The following ANK3 variants were observed in gnomAD, a reference collection of about 807,000 sequenced individuals.
ANK3 encodes ankyrin-3.
A neutral mutation model predicts 370.9 loss-of-function variants in ANK3; 57 were observed. The observed-to-expected ratio is 0.15, with a 90% confidence interval of 0.12 to 0.19. The LOEUF (loss-of-function observed/expected upper bound fraction) is 0.19, where lower values mean the gene tolerates loss of function less well. Among genes scored for constraint, ANK3 ranks in the 10% least tolerant of loss-of-function variants. ANK3 has a pLI of 1.00. For synonymous variants in ANK3, 1,929 were observed against 1,946.3 expected (o/e 0.99, Z 0.23); for missense variants, 4,439 against 5,302.1 (o/e 0.84, Z 5.06).
At chr10:60,183,647 T>C (rs913449632) in intron 17 of ANK3, among the ~76,000 whole-genome samples, 7 of 151,844 alleles carry the variant, frequency 4.6e-5, no homozygotes, top group Non-Finnish European at 5.9e-5. Context: ...TCCCCTGAGG[T>C]TGGGAGTTTG....
chr10:60,261,086 A>G (rs1464281270), intron 7 of ANK3, among the ~76,000 whole-genome samples: 1 of 152,198 alleles, frequency 6.6e-6, no homozygotes, highest in African/African-American at 2.4e-5. Context: ...TTCATAATTC[A>G]TATTATCTCA....
chr10:60,263,276 T>TA (rs1566077276), intron 6 of ANK3, among the ~76,000 whole-genome samples: 2 of 152,048 alleles, frequency 1.3e-5, no homozygotes, highest in African/African-American at 4.8e-5. Context: ...GAAAGCACAA[T>TA]AGGCACAGAA....
intron 7 of ANK3, among the ~76,000 whole-genome samples, chr10:60,251,580 T>C (rs963508385): frequency 1.3e-5 from 2 of 152,190 alleles, no homozygotes; most frequent in African/African-American, 4.8e-5. Flanking sequence ...TTAAGGCAGA[T>C]GATGCTCCTT....
chr10:60,401,401 A>C (rs2063349920), intron 2 of ANK3, among the ~76,000 whole-genome samples: 1 of 152,234 alleles, frequency 6.6e-6, no homozygotes. Context: ...TCTTAACCAC[A>C]ATAAAATAAA....
chr10:60,609,919 A>G (rs973643916), intron 2 of ANK3, among the ~76,000 whole-genome samples: 1 of 152,176 alleles, frequency 6.6e-6, no homozygotes, highest in African/African-American at 2.4e-5. Flanking sequence ...TATACAGTTA[A>G]CAGTTCCAGC....
At chr10:60,250,795 T>A (rs2097651240) in intron 7 of ANK3, among the ~76,000 whole-genome samples, 2 of 152,230 alleles carry the variant, frequency 1.3e-5, no homozygotes, top group African/African-American at 2.4e-5. Flanking sequence ...CCAGAGTCCA[T>A]TTCAAAGCCC....
In ANK3 at chr10:60,048,717, TG is replaced by T. The variant is rs1285032607; in HGVS notation, c.13066-5959del. On this transcript the variant is annotated intron_variant, in intron 42 of 43. Coordinates refer to ENST00000280772, the MANE Select transcript of ANK3 (RefSeq NM_020987.5). ...TCTCAAGGTTGGTTGAGTTTGTGCA[TG>T]TGGAATGCCCAGATATGGAGGTCCA... 1.1e-3 allele frequency among the ~76,000 whole-genome samples: 174 copies of T among 152,344 alleles called. 2 individuals are homozygous for T. The East Asian group carries it at 0.033, about 29-fold the overall frequency.
intron 1 of ANK3, among the ~76,000 whole-genome samples, chr10:60,706,411 C>T (rs1468529088): frequency 6.6e-6 from 1 of 152,148 alleles, no homozygotes; most frequent in Admixed American, 6.5e-5. Context: ...ATAACCTCCC[C>T]TCTGACCAGA....
At chr10:60,242,950 C>A (rs1336546325) in intron 7 of ANK3, among the ~76,000 whole-genome samples, 1 of 152,178 alleles carries the variant, frequency 6.6e-6, no homozygotes, top group Non-Finnish European at 1.5e-5. Context: ...ACCCCAAGTT[C>A]ATATTTTTTT....
intron 25 of ANK3, among the ~76,000 whole-genome samples, chr10:60,120,295 C>T (rs2093387197): frequency 6.6e-6 from 1 of 152,056 alleles, no homozygotes; most frequent in African/African-American, 2.4e-5. Flanking sequence ...TATCTCTCGC[C>T]ATATACAAAA....
chr10:60,348,290 T>A (rs1237293502), intron 1 of ANK3, among the ~76,000 whole-genome samples: 1 of 148,834 alleles, frequency 6.7e-6, no homozygotes, highest in Non-Finnish European at 1.5e-5. Context: ...GATGTAGGGT[T>A]TTAATTATTC....
chr10:60,495,714 A>G (rs891923404), intron 2 of ANK3, among the ~76,000 whole-genome samples: 1 of 152,194 alleles, frequency 6.6e-6, no homozygotes, highest in Non-Finnish European at 1.5e-5. Context: ...ACATTCTAGC[A>G]TATAGGGTAG....
chr10:60,300,330 A>G, intron 1 of ANK3: 1 of 1,286,472 alleles, frequency 7.8e-7, no homozygotes, highest in South Asian at 1.2e-5. Flanking sequence ...TGTTCTGGGA[A>G]GCTCTCTCCC....
intron 6 of ANK3, among the ~76,000 whole-genome samples, chr10:60,263,494 T>C (rs2097839988): frequency 1.3e-5 from 2 of 152,210 alleles, no homozygotes; most frequent in African/African-American, 2.4e-5. Flanking sequence ...GTGTACACTG[T>C]CTTCAGTATT....
intron 1 of ANK3, among the ~76,000 whole-genome samples, chr10:60,354,567 T>G (rs1468375355): frequency 1.3e-5 from 2 of 152,224 alleles, no homozygotes; most frequent in African/African-American, 2.4e-5. Context: ...AATAACACTT[T>G]CCAAATAAAC....
At chr10:60,509,810 T>C (rs994587406) in intron 2 of ANK3, among the ~76,000 whole-genome samples, 4 of 152,172 alleles carry the variant, frequency 2.6e-5, no homozygotes, top group East Asian at 3.9e-4. Context: ...TGTCCTTAGA[T>C]GAATTATCTA....
intron 2 of ANK3, among the ~76,000 whole-genome samples, chr10:60,606,692 G>A (rs1009324828): frequency 2.0e-5 from 3 of 152,112 alleles, no homozygotes; most frequent in African/African-American, 7.2e-5. Context: ...TTATCAGGGA[G>A]CATGGAATTC....
intron 41 of ANK3, among the ~76,000 whole-genome samples, chr10:60,056,907 C>A (rs968776659): frequency 5.3e-5 from 8 of 152,092 alleles, no homozygotes; most frequent in Non-Finnish European, 1.0e-4. Context: ...TGCCTGTAGT[C>A]CCAGCTACTT....
intron 2 of ANK3, among the ~76,000 whole-genome samples, chr10:60,529,716 G>C (rs1267189881): frequency 6.6e-6 from 1 of 152,102 alleles, no homozygotes; most frequent in Non-Finnish European, 1.5e-5. Flanking sequence ...TCTTGGTTCT[G>C]ATTAAGCACT....
Sources: gnomAD v4.1 joint callset for allele counts (sites outside exome capture counted in the v4.1 genomes callset) on GRCh38, gnomAD v4.1.1 for gene constraint, MANE v1.5 for transcripts, NCBI Gene and HGNC (gene_info 2026-07-23, HGNC 2026-07-21) for gene names.